Variants in NAPB observed in about 807,000 individuals in gnomAD.
The protein encoded by NAPB is NSF attachment protein beta.
NAPB carries 26 observed loss-of-function variants against 44.7 expected under a neutral mutation model. That is an observed-to-expected ratio of 0.58 (90% confidence interval 0.43 to 0.81). The LOEUF is 0.81. Among genes scored for constraint, NAPB ranks in the 30% least tolerant of loss-of-function variants. The pLI, the probability that NAPB is intolerant of heterozygous loss-of-function variation, is 0.00. For missense variants in NAPB, 315 were observed against 356.4 expected (o/e 0.88, Z 0.94); for synonymous variants, 120 against 116.8 (o/e 1.03, Z -0.18).
chr20:23,418,664 G>A (rs1022138261), intron 1 of NAPB, among the ~76,000 whole-genome samples: 3 of 152,128 alleles, frequency 2.0e-5, no homozygotes, highest in East Asian at 1.9e-4. Flanking sequence ...GAGGCTGGGC[G>A]TGCTGGCTCA....
chr20:23,412,508 T>C (rs1029777780), intron 1 of NAPB, among the ~76,000 whole-genome samples: 5 of 152,194 alleles, frequency 3.3e-5, no homozygotes, highest in South Asian at 2.1e-4. Flanking sequence ...TGAAAATCTA[T>C]GTACCAAAAA....
In NAPB at chr20:23,374,757, G is replaced by A. The variant is rs1350318179; in HGVS notation, c.*2619C>T. 6.6e-6 allele frequency: 1 copy of A among 152,270 alleles called. No homozygotes were observed. The highest frequency in any genetic ancestry group is 1.5e-5 in the Non-Finnish European group (1 of 68,046). The allele number at this position is 152,270 out of a possible 1,614,324, so 9.4% of individuals were successfully genotyped here. ...TCAGGAGAAACAATAAATGCACAAGGGCTGGTGCATATACTTTGGTTACAG... is the reference window on the plus strand; with the variant it reads ...TCAGGAGAAACAATAAATGCACAAGAGCTGGTGCATATACTTTGGTTACAG... On this transcript the variant is annotated 3_prime_UTR_variant, in exon 11 of 11. Coordinates refer to ENST00000377026, the MANE Select transcript of NAPB (RefSeq NM_022080.3).
chr20:23,391,234 C>T (rs1310521254), intron 5 of NAPB, among the ~76,000 whole-genome samples: 2 of 152,080 alleles, frequency 1.3e-5, no homozygotes, highest in Non-Finnish European at 2.9e-5. Context: ...CTGCTTGAAC[C>T]GGGGAGGCAG....
intron 2 of NAPB, among the ~76,000 whole-genome samples, chr20:23,402,106 G>A (rs1202481584): frequency 6.6e-6 from 1 of 152,120 alleles, no homozygotes; most frequent in Non-Finnish European, 1.5e-5. Context: ...TTCTTACAAA[G>A]ATCTTTAAAG....
chr20:23,391,707 A>G (rs1983969107), intron 5 of NAPB, among the ~76,000 whole-genome samples: 1 of 152,212 alleles, frequency 6.6e-6, no homozygotes, highest in Non-Finnish European at 1.5e-5. Flanking sequence ...TGTTCCAATA[A>G]AACTATATTT....
chr20:23,409,524 A>G (rs1461676640), intron 1 of NAPB, among the ~76,000 whole-genome samples: 1 of 152,232 alleles, frequency 6.6e-6, no homozygotes, highest in Non-Finnish European at 1.5e-5. Flanking sequence ...TTAAATACTT[A>G]AGAAAGATAA....
At chr20:23,379,243 T>C (rs917860945) in intron 10 of NAPB, 7 of 461,436 alleles carry the variant, frequency 1.5e-5, no homozygotes, top group Non-Finnish European at 2.7e-5. Flanking sequence ...AAATTAGTTT[T>C]GAGTGTAAGT....
intron 1 of NAPB, among the ~76,000 whole-genome samples, chr20:23,407,384 C>A (rs2253925): frequency 6.6e-6 from 1 of 151,852 alleles, no homozygotes; most frequent in African/African-American, 2.4e-5. Context: ...CCATATTACG[C>A]AGCAACATAA....
rs971191754 is a variant in NAPB, at chr20:23,374,642, A to T, written c.*2734T>A. On this transcript the variant is annotated 3_prime_UTR_variant, in exon 11 of 11. Transcript: ENST00000377026. ...CCTGCTCTTGGTCATAGCTCATACC[A>T]CAGCAGGCAGGTCACGGGGGCATGC... 2.0e-5 allele frequency: 3 copies of T among 152,102 alleles called. No individual in the cohort carries two copies. Among genetic ancestry groups the T allele is most frequent in the African/African-American group, 7.2e-5 (3 of 41,412 alleles). The allele number at this position is 152,102 out of a possible 1,614,324, so 9.4% of individuals were successfully genotyped here.
At chr20:23,397,000 C>G in intron 3 of NAPB, 72 bp downstream of exon 3, 1 of 1,494,564 alleles carries the variant, frequency 6.7e-7, no homozygotes, top group Non-Finnish European at 9.1e-7. Flanking sequence ...CAACACTGAC[C>G]TTAACGTTGA....
In NAPB at chr20:23,379,872, A is replaced by G; in HGVS notation, c.730T>C (p.Leu244=). Residue 244 remains leucine (L), a synonymous_variant, in exon 9 of 11, where the codon TTG becomes CTG. Coordinates refer to ENST00000377026, the MANE Select transcript of NAPB (RefSeq NM_022080.3). ...AAAGTTCTAATATTACTTACTTTCAATAATTTACATTCTCTTGAATCAGTA... is the reference window on the plus strand; with the variant it reads ...AAAGTTCTAATATTACTTACTTTCAGTAATTTACATTCTCTTGAATCAGTA... ...AFTDSRECKL[L]KKLLEAHEEQ... 6.2e-7 allele frequency: 1 copy of G among 1,609,272 alleles called. No homozygotes were observed. The highest frequency in any genetic ancestry group is 1.3e-5 in the African/African-American group (1 of 74,946).
chr20:23,390,105 A>G (rs2047889508), intron 6 of NAPB, 75 bp from the exon 7 acceptor site: 2 of 1,536,716 alleles, frequency 1.3e-6, no homozygotes, highest in African/African-American at 1.4e-5. Flanking sequence ...GCCTCAGTAC[A>G]TCTTCATTTG....
chr20:23,389,252 A>C (rs898050907), intron 7 of NAPB, among the ~76,000 whole-genome samples: 35 of 150,196 alleles, frequency 2.3e-4, no homozygotes, highest in African/African-American at 8.3e-4. Context: ...AAAAAAAAAA[A>C]CCAAAACAAG....
chr20:23,404,395 A>G (rs1675602223), intron 1 of NAPB, among the ~76,000 whole-genome samples: 1 of 152,174 alleles, frequency 6.6e-6, no homozygotes, highest in Admixed American at 6.5e-5. Context: ...TAGGAACTCC[A>G]TTAAACTCCA....
chr20:23,406,935 CAT>C (rs1241107588), intron 1 of NAPB, among the ~76,000 whole-genome samples: 1 of 152,176 alleles, frequency 6.6e-6, no homozygotes, highest in East Asian at 1.9e-4. Context: ...TAGATATTTC[CAT>C]ATATGTTATG....
At chr20:23,418,676 G>A (rs927597623) in intron 1 of NAPB, among the ~76,000 whole-genome samples, 6 of 151,884 alleles carry the variant, frequency 4.0e-5, no homozygotes, top group East Asian at 1.9e-4. Context: ...GCTGGCTCAC[G>A]TCTGTAATCC....
intron 1 of NAPB, among the ~76,000 whole-genome samples, chr20:23,421,070 C>T (rs743021): frequency 0.54 from 80,722 of 148,974 alleles, 22,146 homozygotes; most frequent in Non-Finnish European, 0.59. Flanking sequence ...CCTGGGGGGG[C>T]CTGTGGGGTC....
In NAPB at chr20:23,377,115, G is replaced by A. The variant is rs754849176; in HGVS notation, c.*261C>T. On this transcript the variant is annotated 3_prime_UTR_variant, in exon 11 of 11. Transcript: ENST00000377026. Reference sequence around the variant, plus strand: ...TCCACAAATACCAATGAAATATGAGGAATGAGATTCTGAAGTACTTCTCAG... The same window carrying A: ...TCCACAAATACCAATGAAATATGAGAAATGAGATTCTGAAGTACTTCTCAG... 2 of 245,586 alleles carry A rather than the reference G, an allele frequency of 8.1e-6. No individual in the cohort carries two copies. The highest frequency in any genetic ancestry group is 1.6e-5 in the Non-Finnish European group (2 of 128,810). The allele number at this position is 245,586 out of a possible 1,614,324, so 15.2% of individuals were successfully genotyped here. A position where few individuals can be genotyped will look rare whatever the true frequency, so the allele number is the denominator to read the frequency against.
At chr20:23,395,280 A>C (rs1209459688) in intron 3 of NAPB, 95 bp from the exon 4 acceptor site, 2 of 1,320,794 alleles carry the variant, frequency 1.5e-6, no homozygotes, top group African/African-American at 2.9e-5. Context: ...CAGAACGTTA[A>C]TGAGGTATAA....
Sources: allele counts gnomAD v4.1 joint callset (sites outside exome capture counted in the v4.1 genomes callset), GRCh38; gene constraint gnomAD v4.1.1; transcripts MANE v1.5; gene names NCBI Gene and HGNC (gene_info 2026-07-23, HGNC 2026-07-21).